DSCAM: variants seen among roughly 807,000 people sequenced by gnomAD.
The protein encoded by DSCAM is cell adhesion molecule DSCAM.
A neutral mutation model predicts 217.7 loss-of-function variants in DSCAM; 47 were observed. The ratio of observed to expected loss-of-function variants is 0.22; its 90% CI spans 0.17 to 0.28. The LOEUF is 0.28. Ranked by LOEUF, DSCAM falls within the 10% of genes least tolerant of loss-of-function variation. The pLI, the probability that DSCAM is intolerant of heterozygous loss-of-function variation, is 1.00. For missense variants in DSCAM, 2,080 were observed against 2,618.3 expected (o/e 0.79, Z 4.49); for synonymous variants, 1,056 against 1,015.3 (o/e 1.04, Z -0.76).
chr21:40,647,636 T>C (rs978967119), intron 3 of DSCAM, among the ~76,000 whole-genome samples: 2 of 152,224 alleles, frequency 1.3e-5, no homozygotes, highest in Admixed American at 1.3e-4. Context: ...AAATCTTTGG[T>C]GTAGTTAGGA....
At chr21:40,508,761 ATATATATATATATATATATATAT>A (rs1351655045) in intron 3 of DSCAM, among the ~76,000 whole-genome samples, 227 of 5,232 alleles carry the variant, frequency 0.043, 15 homozygotes, top group Middle Eastern at 0.12. Flanking sequence ...ATATATATAT[ATATATATATATATATATATATAT>A]TTTTTTTTTT....
intron 3 of DSCAM, among the ~76,000 whole-genome samples, chr21:40,655,791 T>C (rs1164179894): frequency 6.6e-6 from 1 of 152,108 alleles, no homozygotes; most frequent in African/African-American, 2.4e-5. Flanking sequence ...TGGTAGGTCA[T>C]GCCTATAATC....
In DSCAM at chr21:40,260,212, A is replaced by C. The variant is rs138552376; in HGVS notation, c.2356+15885T>G. Among the ~76,000 whole-genome samples, 7 of 152,276 alleles carry C rather than the reference A, an allele frequency of 4.6e-5. No homozygotes were observed. The East Asian group carries it at 1.4e-3, about 29-fold the overall frequency. ...TTGCCTGTGTATACATGGACTGTACACCTCTGTAATGTGTCTTACAATCAG... is the reference window on the plus strand; with the variant it reads ...TTGCCTGTGTATACATGGACTGTACCCCTCTGTAATGTGTCTTACAATCAG... On this transcript the variant is annotated intron_variant, in intron 11 of 32. Coordinates refer to ENST00000400454, the MANE Select transcript of DSCAM (RefSeq NM_001389.5).
At chr21:40,647,377 T>G (rs1846558541) in intron 3 of DSCAM, among the ~76,000 whole-genome samples, 1 of 152,210 alleles carries the variant, frequency 6.6e-6, no homozygotes, top group Admixed American at 6.5e-5. Flanking sequence ...TAATTATAAA[T>G]AGCCCATTAA....
chr21:40,195,025 A>G (rs1903482517), intron 11 of DSCAM, among the ~76,000 whole-genome samples: 1 of 152,250 alleles, frequency 6.6e-6, no homozygotes, highest in Non-Finnish European at 1.5e-5. Flanking sequence ...TACTGAGAAG[A>G]TAGTAAGATT....
intron 18 of DSCAM, among the ~76,000 whole-genome samples, chr21:40,139,241 T>G (rs1375990660): frequency 6.6e-6 from 1 of 151,786 alleles, no homozygotes; most frequent in East Asian, 1.9e-4. Flanking sequence ...TTGCGAAGGT[T>G]GAGGACGTAC....
chr21:40,350,877 CTTTTT>C (rs10658416), intron 5 of DSCAM, among the ~76,000 whole-genome samples: 173 of 63,876 alleles, frequency 2.7e-3, no homozygotes, highest in African/African-American at 0.01. Flanking sequence ...ATAAGTCATA[CTTTTT>C]TTTTTTTTTT....
chr21:40,563,108 G>A (rs1471654312), intron 3 of DSCAM, among the ~76,000 whole-genome samples: 1 of 117,456 alleles, frequency 8.5e-6, no homozygotes, highest in Non-Finnish European at 2.0e-5. Flanking sequence ...TTATCTAGGA[G>A]AGCCACCACA....
intron 1 of DSCAM, among the ~76,000 whole-genome samples, chr21:40,751,345 C>T (rs1053542704): frequency 2.0e-5 from 3 of 152,144 alleles, no homozygotes; most frequent in African/African-American, 4.8e-5. Context: ...CATTGCTCTC[C>T]CACACCCACT....
At chr21:40,138,377 G>A (rs544097145) in intron 18 of DSCAM, among the ~76,000 whole-genome samples, 1 of 151,198 alleles carries the variant, frequency 6.6e-6, no homozygotes, top group South Asian at 2.1e-4. Flanking sequence ...TGTGTTACAT[G>A]TGTTGTGTGA....
At position 40,559,332 on chromosome 21, in the gene DSCAM, C is replaced by A. The variant is rs1279872424; in HGVS notation, c.508+133478G>T. Among the ~76,000 whole-genome samples the A allele has an allele frequency of 5.9e-5, 9 of 152,188 alleles. No individual in the cohort carries two copies. In the East Asian group the frequency reaches 1.6e-3, roughly 26 times the overall value. ...AATTAGCCGGGCGCGGTGGCGGGCG[C>A]CTGTAGTCCCAGCTACTGGGGAGGC... On this transcript the variant is annotated intron_variant, in intron 3 of 32. Transcript: ENST00000400454.
At chr21:40,147,228 G>T (rs2090367675) in intron 16 of DSCAM, among the ~76,000 whole-genome samples, 1 of 152,194 alleles carries the variant, frequency 6.6e-6, no homozygotes, top group Non-Finnish European at 1.5e-5. Flanking sequence ...CTGTGAGAAA[G>T]TGTTTTCATA....
intron 3 of DSCAM, among the ~76,000 whole-genome samples, chr21:40,425,669 C>CAAA (rs34174337): frequency 1.9e-4 from 13 of 68,950 alleles, no homozygotes; most frequent in Non-Finnish European, 2.4e-4. Context: ...ACTCGGTGTC[C>CAAA]AAAAAAAAAA....
intron 1 of DSCAM, among the ~76,000 whole-genome samples, chr21:40,826,553 C>G (rs945517391): frequency 7.9e-5 from 12 of 152,044 alleles, no homozygotes; most frequent in Non-Finnish European, 1.3e-4. Context: ...TCATGATAGT[C>G]CAGGCAAAAA....
intron 4 of DSCAM, among the ~76,000 whole-genome samples, chr21:40,354,768 G>T (rs1187817249): frequency 1.4e-5 from 2 of 147,916 alleles, no homozygotes; most frequent in Non-Finnish European, 3.0e-5. Flanking sequence ...AGAATGGCAT[G>T]AACCTGGGAG....
chr21:40,825,676 C>T (rs987817308), intron 1 of DSCAM, among the ~76,000 whole-genome samples: 1 of 152,008 alleles, frequency 6.6e-6, no homozygotes, highest in Non-Finnish European at 1.5e-5. Flanking sequence ...AAAGTATATA[C>T]AACATATCAG....
At chr21:40,312,032 T>C in intron 9 of DSCAM, 49 bp downstream of exon 9, 1 of 1,538,774 alleles carries the variant, frequency 6.5e-7, no homozygotes, top group South Asian at 1.1e-5. Context: ...CTTAAACCAT[T>C]GTTAAATCAA....
At chr21:40,816,381 C>A (rs1372394804) in intron 1 of DSCAM, among the ~76,000 whole-genome samples, 2 of 152,128 alleles carry the variant, frequency 1.3e-5, no homozygotes, top group Non-Finnish European at 2.9e-5. Flanking sequence ...GAGTTCGAGA[C>A]CAGCCTGGCC....
intron 3 of DSCAM, among the ~76,000 whole-genome samples, chr21:40,486,125 A>G (rs2076026144): frequency 1.3e-5 from 2 of 152,242 alleles, no homozygotes; most frequent in Non-Finnish European, 1.5e-5. Context: ...ATAGATGGCT[A>G]ACAGATCACC....
Sources: gnomAD v4.1 joint callset for allele counts (sites outside exome capture counted in the v4.1 genomes callset) on GRCh38, gnomAD v4.1.1 for gene constraint, MANE v1.5 for transcripts, NCBI Gene and HGNC (gene_info 2026-07-23, HGNC 2026-07-21) for gene names.